Variants in COLEC10 observed in about 807,000 individuals in gnomAD.
COLEC10 encodes collectin subfamily member 10.
In COLEC10, 22 loss-of-function variants were observed where a neutral mutation model predicts 28.4. The observed-to-expected ratio is 0.78, with a 90% CI of 0.55 to 1.11. The LOEUF is 1.11. Ranked by LOEUF, COLEC10 falls within the 50% of genes least tolerant of loss-of-function variation. The pLI is 0.00. For missense variants in COLEC10, 361 were observed against 344.1 expected, an observed-to-expected ratio of 1.05 and a Z score of -0.39; for synonymous variants, 125 against 116.1, an observed-to-expected ratio of 1.08 and a Z score of -0.49.
At chr8:118,966,885 CT>C in the COLEC10 span, among the ~76,000 whole-genome samples, 1 of 152,120 alleles carries the variant, frequency 6.6e-6, no homozygotes, top group Non-Finnish European at 1.5e-5. Context: ...TTCATAGCAT[CT>C]GCTGTGATGT....
chr8:119,079,327 A>G (rs1852410813), intron 1 of COLEC10, among the ~76,000 whole-genome samples: 1 of 152,176 alleles, frequency 6.6e-6, no homozygotes, highest in Admixed American at 6.6e-5. Flanking sequence ...ACTGAGGCTT[A>G]AAGAATTTAA....
At chr8:119,072,644 C>T (rs1240026096) in intron 1 of COLEC10, among the ~76,000 whole-genome samples, 1 of 152,142 alleles carries the variant, frequency 6.6e-6, no homozygotes, top group Non-Finnish European at 1.5e-5. Context: ...GTGTTGATGG[C>T]ACCTCAGTGT....
chr8:118,995,186 A>C (rs1813569154), upstream of COLEC10, among the ~76,000 whole-genome samples: 1 of 152,272 alleles, frequency 6.6e-6, no homozygotes. Context: ...ATTGATTTGC[A>C]GCAAAGGTGT....
At chr8:119,054,601 C>A (rs1246019466) in intron 2 of COLEC10, among the ~76,000 whole-genome samples, 1 of 152,034 alleles carries the variant, frequency 6.6e-6, no homozygotes. Flanking sequence ...AGTTATATAT[C>A]CTTATGGCAT....
At chr8:119,088,643 T>C (rs187447290) in intron 1 of COLEC10, among the ~76,000 whole-genome samples, 1 of 152,352 alleles carries the variant, frequency 6.6e-6, no homozygotes, top group African/African-American at 2.4e-5. Flanking sequence ...TGCCCTGAGA[T>C]TGCTGTGGTG....
chr8:119,044,080 A>G (rs1417416505), intron 2 of COLEC10, among the ~76,000 whole-genome samples: 4 of 152,248 alleles, frequency 2.6e-5, no homozygotes, highest in Admixed American at 2.6e-4. Flanking sequence ...CACTGAAGCT[A>G]GAGAGACCAC....
At chr8:119,068,496 G>A (rs1391738224) in intron 1 of COLEC10, 2 of 152,144 alleles carry the variant, frequency 1.3e-5, no homozygotes, top group Non-Finnish European at 2.9e-5. Context: ...TAGAAATAAA[G>A]TATTTGCTTA....
At chr8:119,028,023 T>TCAA (rs770180495) in intron 2 of COLEC10, among the ~76,000 whole-genome samples, 6,661 of 152,220 alleles carry the variant, frequency 0.044, 217 homozygotes, top group East Asian at 0.16. Context: ...AGGATCTGTG[T>TCAA]GAGGATTAAA....
the COLEC10 span, among the ~76,000 whole-genome samples, chr8:118,971,087 GA>G: frequency 1.3e-5 from 2 of 151,946 alleles, no homozygotes; most frequent in Admixed American, 6.6e-5. Flanking sequence ...AAGGAAGGGG[GA>G]GTTGGGTTAG....
intron 4 of COLEC10, 93 bp from the exon 5 acceptor site, chr8:119,103,707 A>T: frequency 2.6e-6 from 2 of 765,438 alleles, no homozygotes; most frequent in South Asian, 1.6e-5. Context: ...CCAGACTAGA[A>T]AAAGATAGTG....
intron 2 of COLEC10, among the ~76,000 whole-genome samples, chr8:119,011,792 T>C (rs886847961): frequency 6.6e-6 from 1 of 150,972 alleles, no homozygotes; most frequent in Admixed American, 6.6e-5. Flanking sequence ...TTGACTTTTG[T>C]GCATTTACCT....
chr8:119,065,355 T>C (rs1814933833), upstream of COLEC10, among the ~76,000 whole-genome samples: 1 of 152,068 alleles, frequency 6.6e-6, no homozygotes, highest in Non-Finnish European at 1.5e-5. Flanking sequence ...CTATTGTGAA[T>C]TGTGCATGTG....
chr8:118,988,270 C>T, the COLEC10 span, among the ~76,000 whole-genome samples: 11,117 of 152,066 alleles, frequency 0.073, 434 homozygotes, highest in Non-Finnish European at 0.091. Context: ...GGGAAAGATC[C>T]CCTTAGGGTT....
At chr8:119,026,539 A>G (rs963564108) in intron 2 of COLEC10, among the ~76,000 whole-genome samples, 4 of 152,150 alleles carry the variant, frequency 2.6e-5, no homozygotes, top group Non-Finnish European at 4.4e-5. Context: ...AACAAAAACA[A>G]AAACAACCAT....
chr8:119,105,919 G>A lies in COLEC10; in HGVS notation c.562G>A (p.Asp188Asn), dbSNP rs1276584083. The A allele has an allele frequency of 2.5e-6, 4 of 1,613,856 alleles. No individual in the cohort carries two copies. The highest frequency in any genetic ancestry group is 2.5e-6 in the Non-Finnish European group (3 of 1,179,880). The change falls in exon 6 of 6, where the codon GAT becomes AAT. Residue 188 changes from aspartate (D) to asparagine (N), a missense_variant. Physicochemically the swap from Asp to Asn is conservative, Grantham distance 23. Around this residue, in one of 3 missense-constraint regions of COLEC10, gnomAD observed 335 missense variants for 308.5 expected, o/e 1.09. Coordinates refer to ENST00000332843, the MANE Select transcript of COLEC10 (RefSeq NM_006438.5). ...IRGGMLAMPK[D>N]EAANTLIADY... ...GGGTGGAATGCTAGCCATGCCCAAG[G>A]ATGAAGCTGCCAACACACTCATCGC...
intron 1 of COLEC10, among the ~76,000 whole-genome samples, chr8:119,074,307 C>T (rs1342556149): frequency 3.3e-5 from 5 of 152,020 alleles, no homozygotes; most frequent in Non-Finnish European, 7.4e-5. Flanking sequence ...CATTGTAACA[C>T]AAAGGATAAA....
intron 1 of COLEC10, among the ~76,000 whole-genome samples, chr8:119,069,629 A>AAAAAAATATATATATATATAT (rs1554627284): frequency 2.3e-5 from 1 of 42,874 alleles, no homozygotes; most frequent in Admixed American, 4.9e-4. Flanking sequence ...AAAAAAAAAA[A>AAAAAAATATATATATATATAT]ATATATATAT....
intron 1 of COLEC10, among the ~76,000 whole-genome samples, chr8:119,007,829 A>T (rs551962383): frequency 1.3e-5 from 2 of 151,070 alleles, no homozygotes; most frequent in East Asian, 3.9e-4. Flanking sequence ...ATGTGCCTTT[A>T]GATTGATTAC....
At position 119,081,804 on chromosome 8, in the gene COLEC10, C is replaced by A. The variant is rs536276652; in HGVS notation, c.149-7876C>A. 7.9e-5 allele frequency among the ~76,000 whole-genome samples: 12 copies of A among 152,234 alleles called. No individual in the cohort carries two copies. In the East Asian group the frequency reaches 1.9e-3, roughly 24 times the overall value. On this transcript the variant is annotated intron_variant, in intron 1 of 5. Coordinates refer to ENST00000332843, the MANE Select transcript of COLEC10 (RefSeq NM_006438.5). The stretch of plus-strand genomic sequence containing the variant: ...ATTACTTTGAAGTGGCCTATAAACA[C>A]AGAACTGTTGAAACATTTTGAATTG...
Sources: gnomAD v4.1 joint callset for allele counts (sites outside exome capture counted in the v4.1 genomes callset) on GRCh38, gnomAD v4.1.1 for gene constraint, gnomAD v4.1.1 regional missense constraint, MANE v1.5 for transcripts, NCBI Gene and HGNC (gene_info 2026-07-23, HGNC 2026-07-21) for gene names.